Variants in LGR6 observed in about 807,000 individuals in gnomAD.
The protein encoded by LGR6 is leucine-rich repeat-containing G protein-coupled receptor 6.
A neutral mutation model predicts 69.4 loss-of-function variants in LGR6; 45 were observed. The ratio of observed to expected loss-of-function variants is 0.65; its 90% CI spans 0.51 to 0.83. The LOEUF (loss-of-function observed/expected upper bound fraction) is 0.83. Ranked by LOEUF, LGR6 falls within the 40% of genes least tolerant of loss-of-function variation. LGR6 has a pLI of 0.00. For synonymous variants in LGR6, 538 were observed against 555.0 expected (o/e 0.97, Z 0.43); for missense variants, 1,108 against 1,246.7 (o/e 0.89, Z 1.68).
At chr1:202,288,878 AG>A in intron 6 of LGR6, among the ~76,000 whole-genome samples, 1 of 152,244 alleles carries the variant, frequency 6.6e-6, no homozygotes, top group Non-Finnish European at 1.5e-5. Flanking sequence ...TGCTGTGGTC[AG>A]GAACACCTCA....
intron 4 of LGR6, among the ~76,000 whole-genome samples, chr1:202,260,525 G>C (rs1267129935): frequency 6.6e-6 from 1 of 152,094 alleles, no homozygotes; most frequent in Non-Finnish European, 1.5e-5. Flanking sequence ...GTAGAGAAAG[G>C]GTTTCACCAT....
At chr1:202,304,757 C>T in intron 11 of LGR6, 127 bp downstream of exon 11, 1 of 610,346 alleles carries the variant, frequency 1.6e-6, no homozygotes, top group East Asian at 3.0e-5. Flanking sequence ...GCATAGGCTC[C>T]TGCTGAGAGC....
intron 4 of LGR6, among the ~76,000 whole-genome samples, chr1:202,257,368 C>T (rs1452043221): frequency 6.6e-6 from 1 of 152,050 alleles, no homozygotes; most frequent in Non-Finnish European, 1.5e-5. Flanking sequence ...TCTAAAAAAC[C>T]ATTACCTAAT....
intron 5 of LGR6, among the ~76,000 whole-genome samples, 191 bp from the exon 6 acceptor site, chr1:202,280,590 A>G (rs1665926513): frequency 6.6e-6 from 1 of 152,142 alleles, no homozygotes; most frequent in East Asian, 1.9e-4. Flanking sequence ...TGGTCAATCC[A>G]GCCTTGGAGA....
chr1:202,219,049 C>T (rs1302051724), intron 1 of LGR6, among the ~76,000 whole-genome samples: 1 of 152,200 alleles, frequency 6.6e-6, no homozygotes, highest in Non-Finnish European at 1.5e-5. Flanking sequence ...GGGAACTTAG[C>T]ATTCGTCTAA....
intron 6 of LGR6, among the ~76,000 whole-genome samples, chr1:202,283,534 A>G (rs1666169310): frequency 1.3e-5 from 2 of 152,208 alleles, no homozygotes; most frequent in African/African-American, 2.4e-5. Context: ...CTCCGGCAGC[A>G]GAGGGAAGAT....
intron 5 of LGR6, 141 bp from the exon 6 acceptor site, chr1:202,280,640 C>T: frequency 1.3e-6 from 1 of 782,632 alleles, no homozygotes; most frequent in Non-Finnish European, 2.2e-6. Context: ...TCAGTTTGTT[C>T]CTGGAAACAA....
intron 4 of LGR6, among the ~76,000 whole-genome samples, chr1:202,261,729 A>T (rs1664251932): frequency 6.6e-6 from 1 of 152,224 alleles, no homozygotes; most frequent in South Asian, 2.1e-4. Flanking sequence ...CTTTCTCCAC[A>T]TCCTCTCCAA....
chr1:202,248,917 C>T (rs1662987530), intron 4 of LGR6, among the ~76,000 whole-genome samples: 1 of 152,166 alleles, frequency 6.6e-6, no homozygotes, highest in Non-Finnish European at 1.5e-5. Flanking sequence ...CCCTGGCCCC[C>T]TCCCTATCCT....
chr1:202,248,707 G>A (rs1042595532), intron 4 of LGR6, among the ~76,000 whole-genome samples: 1 of 152,236 alleles, frequency 6.6e-6, no homozygotes, highest in Non-Finnish European at 1.5e-5. Flanking sequence ...AGCCCACAGA[G>A]AGGACATCAT....
intron 16 of LGR6, among the ~76,000 whole-genome samples, chr1:202,311,145 G>A (rs544244330): frequency 6.6e-6 from 1 of 152,026 alleles, no homozygotes; most frequent in South Asian, 2.1e-4. Flanking sequence ...AGAGAGTAGG[G>A]GTCCTCTGCT....
chr1:202,316,994 G>A (rs898262360), intron 17 of LGR6, among the ~76,000 whole-genome samples: 111 of 152,258 alleles, frequency 7.3e-4, no homozygotes, highest in African/African-American at 2.6e-3. Flanking sequence ...ATTTACCTCC[G>A]AAATACTGAT....
intron 1 of LGR6, among the ~76,000 whole-genome samples, chr1:202,199,783 C>G (rs1224167642): frequency 1.1e-4 from 16 of 152,342 alleles, no homozygotes; most frequent in African/African-American, 3.8e-4. Context: ...CACTTAACCT[C>G]CCCAAAGCTC....
chr1:202,258,358 G>T (rs1025906398), intron 4 of LGR6, among the ~76,000 whole-genome samples: 2 of 151,830 alleles, frequency 1.3e-5, no homozygotes, highest in Admixed American at 1.3e-4. Flanking sequence ...TGTCCCACTG[G>T]GATCTTAATT....
chr1:202,259,716 C>G (rs905939496), intron 4 of LGR6, among the ~76,000 whole-genome samples: 2 of 152,104 alleles, frequency 1.3e-5, no homozygotes, highest in Non-Finnish European at 2.9e-5. Flanking sequence ...TTCCCTCCCT[C>G]TCTCTTTTAG....
At chr1:202,261,543 T>A (rs1664235817) in intron 4 of LGR6, among the ~76,000 whole-genome samples, 1 of 152,188 alleles carries the variant, frequency 6.6e-6, no homozygotes, top group Non-Finnish European at 1.5e-5. Context: ...GCAATAAACA[T>A]ACGTGTGCAT....
At chr1:202,300,099 A>G (rs1190935379) in intron 7 of LGR6, among the ~76,000 whole-genome samples, 1 of 152,178 alleles carries the variant, frequency 6.6e-6, no homozygotes, top group Non-Finnish European at 1.5e-5. Context: ...CCTCCATTTG[A>G]GGAACATCCC....
At chr1:202,241,794 A>G (rs1345242149) in intron 4 of LGR6, among the ~76,000 whole-genome samples, 3 of 152,198 alleles carry the variant, frequency 2.0e-5, no homozygotes, top group Non-Finnish European at 4.4e-5. Flanking sequence ...TGGCAAGACT[A>G]AAGGGGAGAA....
At chr1:202,195,972 G>A (rs990304956) in intron 1 of LGR6, among the ~76,000 whole-genome samples, 8 of 152,148 alleles carry the variant, frequency 5.3e-5, no homozygotes, top group African/African-American at 1.2e-4. Context: ...CAATTCCCTC[G>A]GAGCTGTGAA....
Sources: allele counts gnomAD v4.1 joint callset (sites outside exome capture counted in the v4.1 genomes callset), GRCh38; gene constraint gnomAD v4.1.1; transcripts MANE v1.5; gene names NCBI Gene and HGNC (gene_info 2026-07-23, HGNC 2026-07-21).